The following TATDN1 variants were observed in gnomAD, a reference collection of about 807,000 sequenced individuals.
The protein encoded by TATDN1 is deoxyribonuclease TATDN1.
TATDN1 carries 40 observed loss-of-function variants against 46.4 expected under a neutral mutation model. That is an observed-to-expected ratio of 0.86 (90% confidence interval 0.67 to 1.12). The LOEUF (loss-of-function observed/expected upper bound fraction) is 1.12. Among genes scored for constraint, TATDN1 ranks in the 50% most tolerant of loss-of-function variants. The pLI, the probability that TATDN1 is intolerant of heterozygous loss-of-function variation, is 0.00. For missense variants in TATDN1, 326 were observed against 348.4 expected (o/e 0.94, Z 0.51); for synonymous variants, 95 against 105.6 (o/e 0.90, Z 0.62).
chr8:124,523,907 A>T (rs906376333), intron 1 of TATDN1, among the ~76,000 whole-genome samples: 1 of 152,170 alleles, frequency 6.6e-6, no homozygotes, highest in Non-Finnish European at 1.5e-5. Flanking sequence ...TCTGCTGTAG[A>T]ATATAAGGGA....
At chr8:124,536,317 G>A (rs928556386) in intron 1 of TATDN1, among the ~76,000 whole-genome samples, 6 of 152,084 alleles carry the variant, frequency 3.9e-5, no homozygotes. Context: ...TTGGGAGGCG[G>A]AGGTGGAAGG....
Position 124,507,923 on chromosome 8 carries a change from C to G in TATDN1, c.516+551G>C, listed in dbSNP as rs541017671. ...AAAACTGATTTGTGTTTATGCCACA[C>G]CTGGTCCATAAATTCAACAGTAAAT... On this transcript the variant is annotated intron_variant, in intron 8 of 11. Coordinates refer to ENST00000276692, the MANE Select transcript of TATDN1 (RefSeq NM_032026.4). Among the ~76,000 whole-genome samples, 508 of 152,210 alleles carry G rather than the reference C, an allele frequency of 3.3e-3. 6 individuals are homozygous for G. The highest frequency in any genetic ancestry group is 0.012 in the African/African-American group (488 of 41,542).
chr8:124,519,689 A>G (rs1819859411), intron 3 of TATDN1, among the ~76,000 whole-genome samples: 1 of 152,212 alleles, frequency 6.6e-6, no homozygotes, highest in Non-Finnish European at 1.5e-5. Context: ...TGGTTTTGAG[A>G]GCAAAAGGTT....
At chr8:124,496,295 A>C (rs1471960138) in intron 9 of TATDN1, among the ~76,000 whole-genome samples, 1 of 152,204 alleles carries the variant, frequency 6.6e-6, no homozygotes, top group Non-Finnish European at 1.5e-5. Context: ...AAAATTCTAC[A>C]CCATAGTGGT....
At chr8:124,516,381 C>T (rs987727433) in intron 4 of TATDN1, among the ~76,000 whole-genome samples, 8 of 152,016 alleles carry the variant, frequency 5.3e-5, no homozygotes, top group African/African-American at 1.9e-4. Flanking sequence ...CAGCTTACTG[C>T]AGCCTTGACC....
intron 9 of TATDN1, among the ~76,000 whole-genome samples, chr8:124,498,872 G>A (rs566028199): frequency 3.9e-4 from 59 of 151,240 alleles, no homozygotes; most frequent in African/African-American, 1.1e-3. Flanking sequence ...GACTGGTCTC[G>A]AACTCCTGAC....
intron 3 of TATDN1, among the ~76,000 whole-genome samples, chr8:124,521,202 G>A (rs1243953351): frequency 2.0e-5 from 3 of 152,086 alleles, no homozygotes; most frequent in Middle Eastern, 6.3e-3. Context: ...TGGATACCAC[G>A]TTTGTTATGC....
Position 124,522,180 on chromosome 8 carries a change from C to T in TATDN1, c.109G>A (p.Gly37Arg). ...TTAACACCAATCTCGACAGCTCTCC[C>T]TATTACATCCTGTAAGTCATCTGTA... is the stretch of plus-strand genomic sequence containing the variant. ...KHQDDLQDVI[G>R]RAVEIGVKKF... The change falls in exon 3 of 12, where the codon GGG (glycine) becomes AGG (arginine). Residue 37 changes from glycine to arginine, a missense_variant. Physicochemically the swap from Gly to Arg is moderately radical, Grantham distance 125. Transcript: ENST00000276692. 1 of 1,595,738 alleles carries T rather than the reference C, an allele frequency of 6.3e-7. No homozygotes were observed. Among genetic ancestry groups the T allele is most frequent in the Non-Finnish European group, 8.5e-7 (1 of 1,170,188 alleles).
At chr8:124,531,452 G>C (rs1820948196) in intron 1 of TATDN1, among the ~76,000 whole-genome samples, 1 of 152,124 alleles carries the variant, frequency 6.6e-6, no homozygotes, top group African/African-American at 2.4e-5. Context: ...TGCTGTAAAA[G>C]GGCAGATTTA....
At chr8:124,527,030 A>G (rs561254131) in intron 1 of TATDN1, among the ~76,000 whole-genome samples, 3 of 152,354 alleles carry the variant, frequency 2.0e-5, no homozygotes, top group Admixed American at 2.0e-4. Flanking sequence ...TTAGGGAAGA[A>G]CTTTATTTCT....
At chr8:124,520,197 G>C (rs943083670) in intron 3 of TATDN1, among the ~76,000 whole-genome samples, 16 of 152,324 alleles carry the variant, frequency 1.1e-4, no homozygotes, top group African/African-American at 3.8e-4. Flanking sequence ...AGCACTTTGG[G>C]AGGCTGAGGC....
chr8:124,498,217 C>T (rs1443964558), intron 9 of TATDN1, among the ~76,000 whole-genome samples: 2 of 152,016 alleles, frequency 1.3e-5, no homozygotes, highest in African/African-American at 4.8e-5. Context: ...GTTTTACTGC[C>T]AGTTCTCTTC....
intron 9 of TATDN1, among the ~76,000 whole-genome samples, chr8:124,501,163 G>A (rs1817930627): frequency 1.3e-5 from 2 of 152,188 alleles, no homozygotes; most frequent in Non-Finnish European, 2.9e-5. Context: ...GGAGACTGGG[G>A]CAGCCCACTA....
chr8:124,496,070 G>A (rs1817446217), intron 9 of TATDN1, among the ~76,000 whole-genome samples: 1 of 152,346 alleles, frequency 6.6e-6, no homozygotes, highest in East Asian at 1.9e-4. Context: ...CTGACTCAAA[G>A]ATCCATGAAT....
At position 124,495,500 on chromosome 8, in the gene TATDN1, A is replaced by C. The variant is rs752675434; in HGVS notation, c.636T>G (p.Ile212Met). ...TEANLEVLKS[I>M]PSEKLMIETD... Reference sequence around the variant, plus strand: ...TCTCAATCATTAATTTTTCACTAGGAATTGACTTCAAAACTTCCAAATTAG... The same window carrying C: ...TCTCAATCATTAATTTTTCACTAGGCATTGACTTCAAAACTTCCAAATTAG... Residue 212 changes from isoleucine (I) to methionine (M), a missense_variant, in exon 10 of 12, where the codon ATT (isoleucine) becomes ATG (methionine). Ile to Met is a conservative substitution (Grantham distance 10). Coordinates refer to ENST00000276692, the MANE Select transcript of TATDN1 (RefSeq NM_032026.4). 2 of 1,607,180 alleles carry C rather than the reference A, an allele frequency of 1.2e-6. No homozygotes were observed. The highest frequency in any genetic ancestry group is 2.2e-5 in the South Asian group (2 of 89,092).
At chr8:124,533,612 G>C (rs1321942201) in intron 1 of TATDN1, among the ~76,000 whole-genome samples, 2 of 152,082 alleles carry the variant, frequency 1.3e-5, no homozygotes, top group East Asian at 3.9e-4. Context: ...TCCAATCTTT[G>C]TTTTTCCAGG....
rs144334935 is a variant in TATDN1, at chr8:124,507,250, TGG to T, written c.516+1222_516+1223del. Reference sequence around the variant, plus strand: ...AATGTCTCCAGAATAATGACTAAAATGGCTATATCAGAGAAGTGTTTAGTGCA... The same window carrying T: ...AATGTCTCCAGAATAATGACTAAAATCTATATCAGAGAAGTGTTTAGTGCA... On this transcript the variant is annotated intron_variant, in intron 8 of 11. Coordinates refer to ENST00000276692, the MANE Select transcript of TATDN1 (RefSeq NM_032026.4). Among the ~76,000 whole-genome samples the T allele has an allele frequency of 2.4e-3, 366 of 152,108 alleles. 2 individuals are homozygous for T. Among genetic ancestry groups the T allele is most frequent in the Middle Eastern group, 0.01 (3 of 292 alleles).
intron 1 of TATDN1, among the ~76,000 whole-genome samples, chr8:124,537,674 G>C (rs1316033052): frequency 6.6e-6 from 1 of 151,982 alleles, no homozygotes; most frequent in Non-Finnish European, 1.5e-5. Flanking sequence ...CTTTCTTTAC[G>C]GAGTACTTCA....
intron 6 of TATDN1, among the ~76,000 whole-genome samples, chr8:124,512,630 T>C (rs144246136): frequency 9.8e-4 from 150 of 152,334 alleles, no homozygotes; most frequent in African/African-American, 3.5e-3. Context: ...ATTTACTAAG[T>C]GCCTACCATG....
Sources: allele counts gnomAD v4.1 joint callset (sites outside exome capture counted in the v4.1 genomes callset), GRCh38; gene constraint gnomAD v4.1.1; transcripts MANE v1.5; gene names NCBI Gene and HGNC (gene_info 2026-07-23, HGNC 2026-07-21).